The following MGAT4A variants were observed in gnomAD, a reference collection of about 807,000 sequenced individuals.
MGAT4A encodes N-acetylglucosaminyltransferase IVa.
In MGAT4A, 33 loss-of-function variants were observed where a neutral mutation model predicts 74.1. That is an observed-to-expected ratio of 0.45 (90% CI 0.34 to 0.60). MGAT4A has a LOEUF of 0.60. MGAT4A is among the 20% of genes least tolerant of loss of function. The pLI is 0.02. For synonymous variants in MGAT4A, 198 were observed against 210.4 expected, an observed-to-expected ratio of 0.94 and a Z score of 0.51; for missense variants, 479 against 628.3, an observed-to-expected ratio of 0.76 and a Z score of 2.54.
At chr2:98,689,096 A>G (rs1210473374) in intron 2 of MGAT4A, among the ~76,000 whole-genome samples, 1 of 152,230 alleles carries the variant, frequency 6.6e-6, no homozygotes, top group Non-Finnish European at 1.5e-5. Context: ...GACATAAATC[A>G]CCACTATTAT....
At position 98,685,596 on chromosome 2, in the gene MGAT4A, A is replaced by G. The variant is rs1180193510; in HGVS notation, c.95-7125T>C. On this transcript the variant is annotated intron_variant, in intron 2 of 15. Coordinates refer to ENST00000393487, the MANE Select transcript of MGAT4A (RefSeq NM_012214.3). ...GGAGAACTAATGCCATAAAAAGCCA[A>G]AAGACACAGTGAACAGCAGTCCAAA... is the stretch of plus-strand genomic sequence containing the variant. 3.3e-5 allele frequency among the ~76,000 whole-genome samples: 5 copies of G among 152,336 alleles called. No individual in the cohort carries two copies. In the East Asian group the frequency reaches 9.6e-4, roughly 29 times the overall value.
At chr2:98,724,456 C>G (rs549367115) in intron 2 of MGAT4A, among the ~76,000 whole-genome samples, 2 of 152,296 alleles carry the variant, frequency 1.3e-5, no homozygotes, top group Admixed American at 1.3e-4. Context: ...AACCAGAAAC[C>G]TGTGTTGATA....
Position 98,645,558 on chromosome 2 carries a change from C to A in MGAT4A, c.775-16G>T. The A allele has an allele frequency of 6.6e-7, 1 of 1,506,990 alleles. No individual in the cohort carries two copies. The highest frequency in any genetic ancestry group is 8.9e-7 in the Non-Finnish European group (1 of 1,118,046). The allele number at this position is 1,506,990 out of a possible 1,614,324, so 93.4% of individuals were successfully genotyped here. A position where few individuals can be genotyped will look rare whatever the true frequency, so the allele number is the denominator to read the frequency against. Reference sequence around the variant, plus strand: ...CATCTTCAAGCTAGAGAAAATTGAACAATCATATTAATACATCAAAAAAAG... The same window carrying A: ...CATCTTCAAGCTAGAGAAAATTGAAAAATCATATTAATACATCAAAAAAAG... On this transcript the variant is annotated splice_polypyrimidine_tract_variant and intron_variant, in intron 8 of 15. Coordinates refer to ENST00000393487, the MANE Select transcript of MGAT4A (RefSeq NM_012214.3).
intron 2 of MGAT4A, among the ~76,000 whole-genome samples, chr2:98,700,753 TG>T (rs1460824979): frequency 6.6e-6 from 1 of 151,988 alleles, no homozygotes; most frequent in Non-Finnish European, 1.5e-5. Flanking sequence ...TAGCCAGCCG[TG>T]GTGGCGGGCA....
chr2:98,667,120 A>G (rs56049047), intron 4 of MGAT4A, among the ~76,000 whole-genome samples: 41 of 151,850 alleles, frequency 2.7e-4, no homozygotes, highest in Admixed American at 3.9e-4. Flanking sequence ...TGCCATCCAC[A>G]TAAGATGTGA....
chr2:98,654,947 T>C (rs1487784451), intron 8 of MGAT4A, among the ~76,000 whole-genome samples: 3 of 152,154 alleles, frequency 2.0e-5, no homozygotes, highest in Non-Finnish European at 4.4e-5. Flanking sequence ...CCATGACATA[T>C]TGTGTTCTTG....
At chr2:98,651,500 CTG>C (rs1279991613) in intron 8 of MGAT4A, among the ~76,000 whole-genome samples, 1 of 152,068 alleles carries the variant, frequency 6.6e-6, no homozygotes, top group African/African-American at 2.4e-5. Context: ...AATAAATAGA[CTG>C]TTATAACTTT....
chr2:98,712,577 ACT>A (rs1702533132), intron 2 of MGAT4A, among the ~76,000 whole-genome samples: 1 of 152,188 alleles, frequency 6.6e-6, no homozygotes, highest in South Asian at 2.1e-4. Context: ...TGATTTGTGC[ACT>A]TTTTACATCT....
chr2:98,631,306 G>T (rs142083916), intron 14 of MGAT4A, among the ~76,000 whole-genome samples: 20 of 152,326 alleles, frequency 1.3e-4, no homozygotes, highest in African/African-American at 4.6e-4. Context: ...CCTCTCCAGG[G>T]CCAGTCTTGG....
At chr2:98,715,041 C>T (rs1186181067) in intron 2 of MGAT4A, among the ~76,000 whole-genome samples, 1 of 151,952 alleles carries the variant, frequency 6.6e-6, no homozygotes, top group Non-Finnish European at 1.5e-5. Flanking sequence ...GAGGGCTGGG[C>T]GTGGTGACTC....
intron 14 of MGAT4A, among the ~76,000 whole-genome samples, chr2:98,634,288 G>A (rs1361663876): frequency 6.6e-6 from 1 of 152,112 alleles, no homozygotes; most frequent in Non-Finnish European, 1.5e-5. Context: ...GGGAAGCGAG[G>A]CCATTAAATG....
chr2:98,679,264 G>A (rs932381271), intron 2 of MGAT4A, among the ~76,000 whole-genome samples: 1 of 152,092 alleles, frequency 6.6e-6, no homozygotes, highest in African/African-American at 2.4e-5. Context: ...AAATTAGCCA[G>A]GAGCGGTGGT....
At chr2:98,710,315 A>C (rs1702497959) in intron 2 of MGAT4A, among the ~76,000 whole-genome samples, 1 of 152,246 alleles carries the variant, frequency 6.6e-6, no homozygotes, top group South Asian at 2.1e-4. Context: ...GGTATCCGGT[A>C]GCCAGGTTGT....
chr2:98,702,421 C>T (rs1203342455), intron 2 of MGAT4A, among the ~76,000 whole-genome samples: 1 of 152,190 alleles, frequency 6.6e-6, no homozygotes, highest in Non-Finnish European at 1.5e-5. Context: ...AATAGGGAGG[C>T]CTTGAAAATG....
At chr2:98,642,536 GT>G (rs1209506264) in intron 10 of MGAT4A, among the ~76,000 whole-genome samples, 1 of 152,160 alleles carries the variant, frequency 6.6e-6, no homozygotes, top group Non-Finnish European at 1.5e-5. Flanking sequence ...GGTTTTTGTG[GT>G]TTTAATTTCT....
chr2:98,634,628 T>G (rs1701289945), intron 14 of MGAT4A, among the ~76,000 whole-genome samples: 1 of 151,314 alleles, frequency 6.6e-6, no homozygotes, highest in Non-Finnish European at 1.5e-5. Flanking sequence ...AGCCTGCCCC[T>G]CACAGACAGG....
intron 2 of MGAT4A, among the ~76,000 whole-genome samples, chr2:98,701,371 A>G (rs1702353353): frequency 6.6e-6 from 1 of 152,204 alleles, no homozygotes. Flanking sequence ...GAACTGGACA[A>G]TTACTCACAT....
intron 14 of MGAT4A, among the ~76,000 whole-genome samples, chr2:98,630,956 A>C (rs1701222581): frequency 6.6e-6 from 1 of 152,158 alleles, no homozygotes; most frequent in Non-Finnish European, 1.5e-5. Context: ...AAGTGAAGGA[A>C]ATTACCAGAG....
intron 7 of MGAT4A, 127 bp from the exon 8 acceptor site, chr2:98,655,647 TACAC>T (rs1270585461): frequency 1.2e-5 from 7 of 578,726 alleles, no homozygotes; most frequent in South Asian, 4.8e-5. Flanking sequence ...CACACACACA[TACAC>T]ACACACTCAC....
Sources: gnomAD v4.1 joint callset for allele counts (sites outside exome capture counted in the v4.1 genomes callset) on GRCh38, gnomAD v4.1.1 for gene constraint, MANE v1.5 for transcripts, NCBI Gene and HGNC (gene_info 2026-07-23, HGNC 2026-07-21) for gene names.